The following GALK2 variants were observed in gnomAD, a reference collection of about 807,000 sequenced individuals.
GALK2 encodes the protein galactokinase 2.
Under a neutral mutation model 52.4 loss-of-function variants are expected in GALK2, and 36 were observed. The observed-to-expected ratio is 0.69, with a 90% confidence interval of 0.53 to 0.91. The LOEUF (loss-of-function observed/expected upper bound fraction) is 0.91, where lower values mean the gene tolerates loss of function less well. GALK2 is among the 40% of genes least tolerant of loss of function. GALK2 has a pLI of 0.00. For synonymous variants in GALK2, 176 were observed against 199.1 expected (o/e 0.88, Z 0.98); for missense variants, 579 against 559.1 (o/e 1.04, Z -0.36).
chr15:49,156,074 T>C, intron 1 of GALK2: 1 of 1,556,246 alleles, frequency 6.4e-7, no homozygotes, highest in Admixed American at 1.7e-5. Flanking sequence ...CGGTGGGTGT[T>C]CCTAAGATAC....
intron 8 of GALK2, among the ~76,000 whole-genome samples, chr15:49,297,953 A>G (rs2034631199): frequency 6.6e-6 from 1 of 151,822 alleles, no homozygotes; most frequent in South Asian, 2.1e-4. Flanking sequence ...ATTCTGTGAG[A>G]AATGACATTG....
chr15:49,351,481 A>G (rs2042233307), intron 3 of GALK2, among the ~76,000 whole-genome samples: 1 of 152,228 alleles, frequency 6.6e-6, no homozygotes, highest in South Asian at 2.1e-4. Context: ...GTTTTTAAAA[A>G]TCTGCTTCCA....
At chr15:49,176,391 G>A (rs955921477) in intron 1 of GALK2, among the ~76,000 whole-genome samples, 14 of 152,172 alleles carry the variant, frequency 9.2e-5, no homozygotes, top group Admixed American at 6.5e-4. Flanking sequence ...GTATATTCAT[G>A]TTAACTTGAA....
chr15:49,217,320 A>C lies in GALK2; in HGVS notation c.266+7A>C. 2 of 1,613,620 alleles carry C rather than the reference A, an allele frequency of 1.2e-6. No homozygotes were observed. The highest frequency in any genetic ancestry group is 1.7e-6 in the Non-Finnish European group (2 of 1,179,714). On this transcript the variant is annotated splice_region_variant and intron_variant, in intron 3 of 9. Coordinates refer to ENST00000560031, the MANE Select transcript of GALK2 (RefSeq NM_002044.4). Reference sequence around the variant, plus strand: ...ATACAAATCCCTTGTATCCGTGAGTATTTAAAATTGTTAGTGTGTGTGTAT... The same window carrying C: ...ATACAAATCCCTTGTATCCGTGAGTCTTTAAAATTGTTAGTGTGTGTGTAT...
intron 8 of GALK2, among the ~76,000 whole-genome samples, chr15:49,311,378 A>T (rs751027719): frequency 6.6e-6 from 1 of 152,184 alleles, no homozygotes; most frequent in Non-Finnish European, 1.5e-5. Context: ...CAAAGTCCTC[A>T]TTATCTGGCT....
chr15:49,299,747 CTTTCTTTCTTTCTTTCT>C (rs1567037367), intron 8 of GALK2, among the ~76,000 whole-genome samples: 1 of 121,578 alleles, frequency 8.2e-6, no homozygotes, highest in Admixed American at 8.5e-5. Flanking sequence ...TTCTTTCTTT[CTTTCTTTCTTTCTTTCT>C]TTCTTTCTTT....
intron 3 of GALK2, among the ~76,000 whole-genome samples, chr15:49,235,176 TA>T (rs1223403751): frequency 1.3e-5 from 2 of 152,210 alleles, no homozygotes; most frequent in African/African-American, 4.8e-5. Context: ...GCCAGTTTAT[TA>T]AGTTTAACAG....
intron 7 of GALK2, among the ~76,000 whole-genome samples, chr15:49,287,346 A>G (rs1348622530): frequency 1.3e-5 from 2 of 152,220 alleles, no homozygotes; most frequent in African/African-American, 2.4e-5. Context: ...GACTTTATCA[A>G]GATGGAAAAT....
intron 5 of GALK2, among the ~76,000 whole-genome samples, chr15:49,274,638 T>C (rs2031335331): frequency 6.6e-6 from 1 of 152,158 alleles, no homozygotes; most frequent in Non-Finnish European, 1.5e-5. Flanking sequence ...AAACTTAAAA[T>C]TAAAAAAAAT....
At chr15:49,235,730 A>G (rs1003207667) in intron 3 of GALK2, 121 bp from the exon 4 acceptor site, 1 of 787,400 alleles carries the variant, frequency 1.3e-6, no homozygotes, top group African/African-American at 1.7e-5. Flanking sequence ...ACACAGTTTG[A>G]ACATAAAAGG....
downstream of GALK2, among the ~76,000 whole-genome samples, chr15:49,334,616 T>C (rs984068003): frequency 6.6e-6 from 1 of 151,864 alleles, no homozygotes; most frequent in African/African-American, 2.4e-5. Flanking sequence ...GACGTACACA[T>C]GCGTCTGTGG....
chr15:49,214,860 G>A (rs1016422764), intron 2 of GALK2, among the ~76,000 whole-genome samples: 2 of 152,074 alleles, frequency 1.3e-5, no homozygotes, highest in South Asian at 2.1e-4. Context: ...TTACATTAAT[G>A]TGCTTTTCTT....
In GALK2 at chr15:49,283,689, A is replaced by G. The variant is rs750165510; in HGVS notation, c.727A>G (p.Arg243Gly). 1 of 1,614,072 alleles carries G rather than the reference A, an allele frequency of 6.2e-7. No homozygotes were observed. Among genetic ancestry groups the G allele is most frequent in the Non-Finnish European group, 8.5e-7 (1 of 1,179,948 alleles). Reference sequence around the variant, plus strand: ...GGCAGCAACTTCCCATTTCAATATCAGGGTGATGGAGTGTCGGCTGGCTGC... The same window carrying G: ...GGCAGCAACTTCCCATTTCAATATCGGGGTGATGGAGTGTCGGCTGGCTGC... ...NKAATSHFNI[R>G]VMECRLAAKL... Residue 243 changes from arginine to glycine, a missense_variant, in exon 7 of 10, where the codon AGG (arginine) becomes GGG (glycine). Physicochemically the swap from Arg to Gly is moderately radical, Grantham distance 125. Coordinates refer to ENST00000560031, the MANE Select transcript of GALK2 (RefSeq NM_002044.4).
chr15:49,267,240 A>G (rs528462278), intron 5 of GALK2, among the ~76,000 whole-genome samples: 3 of 152,306 alleles, frequency 2.0e-5, no homozygotes, highest in East Asian at 3.9e-4. Flanking sequence ...ATTAAACATC[A>G]GGAGTAATGA....
intron 7 of GALK2, among the ~76,000 whole-genome samples, chr15:49,287,773 A>C (rs1033530255): frequency 6.6e-6 from 1 of 152,200 alleles, no homozygotes; most frequent in Non-Finnish European, 1.5e-5. Context: ...AATGAAGAAC[A>C]TTTATTTTTC....
chr15:49,276,658 C>T (rs1269192292), intron 5 of GALK2, among the ~76,000 whole-genome samples: 1 of 152,152 alleles, frequency 6.6e-6, no homozygotes, highest in Non-Finnish European at 1.5e-5. Context: ...TGAATAGACT[C>T]ACTCACATGT....
rs143518021 is a variant in GALK2, at chr15:49,256,712, A to G, written c.504+17345A>G. On this transcript the variant is annotated intron_variant, in intron 5 of 9. Coordinates refer to ENST00000560031, the MANE Select transcript of GALK2 (RefSeq NM_002044.4). ...TGATTAAAGCTCCTTGGCCTGTAAG[A>G]TGTCAATATCCTATTAACTTTTAAC... Among the ~76,000 whole-genome samples, 173 of 152,254 alleles carry G rather than the reference A, an allele frequency of 1.1e-3. 2 individuals are homozygous for G. The East Asian group carries it at 0.029, about 25-fold the overall frequency.
chr15:49,264,796 G>C (rs1267355983), intron 5 of GALK2, among the ~76,000 whole-genome samples: 1 of 152,212 alleles, frequency 6.6e-6, no homozygotes, highest in Non-Finnish European at 1.5e-5. Flanking sequence ...CTAACAGACA[G>C]GACCCTCAGC....
chr15:49,350,672 G>A (rs769138880), intron 3 of GALK2, among the ~76,000 whole-genome samples: 17 of 152,154 alleles, frequency 1.1e-4, no homozygotes, highest in African/African-American at 2.4e-4. Flanking sequence ...GCCTTTTCCC[G>A]TAATCTAATT....
Sources: gnomAD v4.1 joint callset for allele counts (sites outside exome capture counted in the v4.1 genomes callset) on GRCh38, gnomAD v4.1.1 for gene constraint, MANE v1.5 for transcripts, NCBI Gene and HGNC (gene_info 2026-07-23, HGNC 2026-07-21) for gene names.